The following ULK4 variants were observed in gnomAD, a reference collection of about 807,000 sequenced individuals.
ULK4 encodes the protein inactive serine/threonine-protein kinase ULK4.
ULK4 carries 133 observed loss-of-function variants against 160.6 expected under a neutral mutation model. The ratio of observed to expected loss-of-function variants is 0.83; its 90% CI spans 0.72 to 0.96. ULK4 has a LOEUF of 0.96. ULK4 is among the 40% of genes least tolerant of loss of function. The pLI is 0.00. For missense variants in ULK4, 1,580 were observed against 1,499.5 expected (o/e 1.05, Z -0.89); for synonymous variants, 534 against 539.8 (o/e 0.99, Z 0.15).
At chr3:41,419,558 C>T (rs1283786398) in intron 34 of ULK4, among the ~76,000 whole-genome samples, 1 of 152,152 alleles carries the variant, frequency 6.6e-6, no homozygotes, top group Non-Finnish European at 1.5e-5. Context: ...GTGGTAACAC[C>T]GCCCTGCAGT....
intron 32 of ULK4, among the ~76,000 whole-genome samples, chr3:41,531,529 A>AG (rs982682737): frequency 4.6e-5 from 7 of 151,698 alleles, no homozygotes; most frequent in Non-Finnish European, 1.0e-4. Flanking sequence ...AAAAAGAAAA[A>AG]AAAAAGAAAT....
chr3:41,772,010 C>T (rs1238451671), intron 21 of ULK4, among the ~76,000 whole-genome samples: 1 of 152,172 alleles, frequency 6.6e-6, no homozygotes. Context: ...AGCATGCTCA[C>T]TCTGGTGGGT....
intron 2 of ULK4, among the ~76,000 whole-genome samples, chr3:41,947,979 C>T (rs1267589144): frequency 6.6e-6 from 1 of 152,188 alleles, no homozygotes; most frequent in East Asian, 1.9e-4. Context: ...AGTGGCCTTT[C>T]TATATCCATT....
chr3:41,689,170 T>C (rs1020141252), intron 27 of ULK4, among the ~76,000 whole-genome samples: 1 of 152,210 alleles, frequency 6.6e-6, no homozygotes, highest in Non-Finnish European at 1.5e-5. Flanking sequence ...TGCCTTTAAG[T>C]CTCTGCCAAA....
At chr3:41,458,942 G>T (rs2083617642) in intron 33 of ULK4, among the ~76,000 whole-genome samples, 1 of 152,066 alleles carries the variant, frequency 6.6e-6, no homozygotes, top group African/African-American at 2.4e-5. Flanking sequence ...TTTTAATAGA[G>T]ACAGGGTTTC....
intron 35 of ULK4, among the ~76,000 whole-genome samples, chr3:41,324,946 C>T (rs2080312974): frequency 6.6e-6 from 1 of 152,034 alleles, no homozygotes; most frequent in African/African-American, 2.4e-5. Flanking sequence ...ACATAGGCAC[C>T]ACGAGAGTAA....
At chr3:41,367,275 G>A (rs1009816462) in intron 35 of ULK4, among the ~76,000 whole-genome samples, 1 of 152,168 alleles carries the variant, frequency 6.6e-6, no homozygotes, top group Non-Finnish European at 1.5e-5. Context: ...TTTTCTTGGG[G>A]ATCTTCTCCT....
At chr3:41,348,232 A>AAAAAAAAAAAAAG (rs2080842308) in intron 35 of ULK4, among the ~76,000 whole-genome samples, 1 of 146,350 alleles carries the variant, frequency 6.8e-6, no homozygotes, top group African/African-American at 2.6e-5. Flanking sequence ...AAAAAAAAAA[A>AAAAAAAAAAAAAG]GTACATGGAC....
At chr3:41,662,568 A>G (rs2035213389) in intron 30 of ULK4, among the ~76,000 whole-genome samples, 5 of 152,130 alleles carry the variant, frequency 3.3e-5, no homozygotes, top group Admixed American at 3.3e-4. Flanking sequence ...TAATAATGCA[A>G]TACTTTCTGT....
At chr3:41,456,806 C>T (rs1438015187) in intron 33 of ULK4, among the ~76,000 whole-genome samples, 1 of 152,196 alleles carries the variant, frequency 6.6e-6, no homozygotes, top group African/African-American at 2.4e-5. Context: ...AAGTCATTAA[C>T]CTGGACTCCA....
chr3:41,656,808 C>G (rs542123937), intron 30 of ULK4, among the ~76,000 whole-genome samples: 2 of 152,154 alleles, frequency 1.3e-5, no homozygotes, highest in East Asian at 1.9e-4. Context: ...TTCTTAGATA[C>G]AGAACATAAA....
chr3:41,285,011 A>G (rs1016554024), intron 35 of ULK4, among the ~76,000 whole-genome samples: 2 of 152,252 alleles, frequency 1.3e-5, no homozygotes, highest in Non-Finnish European at 2.9e-5. Flanking sequence ...ACTAATGATC[A>G]GGGAAACGCA....
At chr3:41,305,353 G>C (rs910549310) in intron 35 of ULK4, among the ~76,000 whole-genome samples, 1 of 152,232 alleles carries the variant, frequency 6.6e-6, no homozygotes. Context: ...GACTGAGCAT[G>C]CTGAGTGCCT....
chr3:41,504,354 G>A (rs1357030419), intron 32 of ULK4, among the ~76,000 whole-genome samples: 2 of 152,042 alleles, frequency 1.3e-5, no homozygotes, highest in East Asian at 3.9e-4. Flanking sequence ...GTTGTGACCA[G>A]ACCCTAGAAT....
intron 25 of ULK4, among the ~76,000 whole-genome samples, chr3:41,711,935 T>A (rs2037109876): frequency 6.6e-6 from 1 of 152,194 alleles, no homozygotes; most frequent in Non-Finnish European, 1.5e-5. Flanking sequence ...GAGAGGGAGC[T>A]GAGTAAGACA....
At position 41,317,245 on chromosome 3, in the gene ULK4, T is replaced by C. The variant is rs368881335; in HGVS notation, c.3679-67671A>G. ...CGCCCGCCACGGCGCCCGGCTAATT[T>C]TTTGTATTTTTAGTAGAGACGGGGT... On this transcript the variant is annotated intron_variant, in intron 35 of 36. Transcript: ENST00000301831. Among the ~76,000 whole-genome samples the C allele has an allele frequency of 9.9e-5, 15 of 151,684 alleles. No homozygotes were observed. The East Asian group carries it at 1.4e-3, about 14-fold the overall frequency.
At chr3:41,739,011 G>A (rs1279206452) in intron 22 of ULK4, among the ~76,000 whole-genome samples, 1 of 151,874 alleles carries the variant, frequency 6.6e-6, no homozygotes, top group Admixed American at 6.6e-5. Context: ...TAAGAGCAAA[G>A]TCACATTCTC....
At chr3:41,653,284 A>G (rs770837132) in intron 30 of ULK4, among the ~76,000 whole-genome samples, 3 of 152,110 alleles carry the variant, frequency 2.0e-5, no homozygotes, top group Non-Finnish European at 2.9e-5. Context: ...AAATTATTCA[A>G]ACTAGCCAAT....
chr3:41,862,755 C>T (rs1481412040), intron 17 of ULK4, among the ~76,000 whole-genome samples: 2 of 148,334 alleles, frequency 1.3e-5, no homozygotes, highest in Non-Finnish European at 2.9e-5. Flanking sequence ...CATACAGAGT[C>T]AGTCAGTCAG....
Sources: allele counts gnomAD v4.1 joint callset (sites outside exome capture counted in the v4.1 genomes callset), GRCh38; gene constraint gnomAD v4.1.1; transcripts MANE v1.5; gene names NCBI Gene and HGNC (gene_info 2026-07-23, HGNC 2026-07-21).